The following FBP2 variants were observed in gnomAD, a reference collection of about 807,000 sequenced individuals.
FBP2 encodes the protein fructose-1,6-bisphosphatase isozyme 2.
A neutral mutation model predicts 31.6 loss-of-function variants in FBP2; 27 were observed. The ratio of observed to expected loss-of-function variants is 0.85; its 90% CI spans 0.63 to 1.18. FBP2 has a LOEUF of 1.18. Among genes scored for constraint, FBP2 ranks in the 50% most tolerant of loss-of-function variants. The pLI is 0.00. For synonymous variants in FBP2, 168 were observed against 179.8 expected (o/e 0.93, Z 0.53); for missense variants, 421 against 436.1 (o/e 0.97, Z 0.31).
rs1587848257 is a variant in FBP2 at position 94,593,461 on chromosome 9, C to A, written c.170+96G>T. The A allele has an allele frequency of 1.2e-5, 15 of 1,230,488 alleles. No homozygotes were observed. The East Asian group carries it at 3.5e-4, about 29-fold the overall frequency. The allele number at this position is 1,230,488 out of a possible 1,614,324, so 76.2% of individuals were successfully genotyped here. On this transcript the variant is annotated intron_variant, in intron 1 of 6. Transcript: ENST00000375337. ...ATCTAGGGCACACAGGGCCAATAAGCTTTGGACCCAGTTTCTTGCCAAAGC... is the reference window on the plus strand; with the variant it reads ...ATCTAGGGCACACAGGGCCAATAAGATTTGGACCCAGTTTCTTGCCAAAGC...
At chr9:94,580,776 T>A (rs1827366187) in intron 3 of FBP2, among the ~76,000 whole-genome samples, 1 of 152,186 alleles carries the variant, frequency 6.6e-6, no homozygotes, top group African/African-American at 2.4e-5. Flanking sequence ...CTCTAGTCCC[T>A]AAAAAAGGCC....
rs548869246 is a variant in FBP2, at chr9:94,560,567, C to T, written c.826-1435G>A. Among the ~76,000 whole-genome samples, 9 of 152,180 alleles carry T rather than the reference C, an allele frequency of 5.9e-5. No homozygotes were observed. In the South Asian group the frequency reaches 8.3e-4, roughly 14 times the overall value. On this transcript the variant is annotated intron_variant, in intron 6 of 6. Coordinates refer to ENST00000375337, the MANE Select transcript of FBP2 (RefSeq NM_003837.4). The stretch of plus-strand genomic sequence containing the variant: ...AAGTTCATTCTCCATTATCACCTTA[C>T]GAAATGGTTGACCCAGCTATGTGCA...
intron 6 of FBP2, among the ~76,000 whole-genome samples, chr9:94,561,420 TG>T (rs1193281122): frequency 1.5e-5 from 2 of 131,478 alleles, no homozygotes; most frequent in Non-Finnish European, 3.1e-5. Context: ...TGGAGTGCAG[TG>T]GCGCGATCTC....
Position 94,564,618 on chromosome 9 carries a change from C to A in FBP2, c.706-1157G>T, listed in dbSNP as rs546803133. On this transcript the variant is annotated intron_variant, in intron 5 of 6. Coordinates refer to ENST00000375337, the MANE Select transcript of FBP2 (RefSeq NM_003837.4). ...AAGTAGGAGCTAAATGATGAGAACA[C>A]ATGGACACAAAGAGGGAAACAACAG... Among the ~76,000 whole-genome samples, 86 of 152,122 alleles carry A rather than the reference C, an allele frequency of 5.7e-4. 2 individuals are homozygous for A. In the South Asian group the frequency reaches 0.017, roughly 31 times the overall value.
chr9:94,567,661 T>G lies in FBP2; in HGVS notation c.568-254A>C, dbSNP rs995015535. ...AATTCTAAGGAAGCAGCCCATAGTC[T>G]TCTTTCTTTTCCTGTGCATCTTCCA... On this transcript the variant is annotated intron_variant, in intron 4 of 6. Transcript: ENST00000375337. The G allele has an allele frequency of 1.3e-4, 55 of 426,818 alleles. No individual in the cohort carries two copies. In the South Asian group the frequency reaches 2.2e-3, roughly 17 times the overall value. The allele number at this position is 426,818 out of a possible 1,614,324, so 26.4% of individuals were successfully genotyped here. A position where few individuals can be genotyped will look rare whatever the true frequency, so the allele number is the denominator to read the frequency against.
intron 2 of FBP2, chr9:94,586,507 A>C (rs1827429667): frequency 6.6e-6 from 1 of 152,262 alleles, no homozygotes; most frequent in South Asian, 2.1e-4. Flanking sequence ...AACAAGAGTC[A>C]TATCAACTGA....
intron 3 of FBP2, among the ~76,000 whole-genome samples, chr9:94,575,254 CT>C (rs1315705253): frequency 6.6e-6 from 1 of 152,116 alleles, no homozygotes; most frequent in African/African-American, 2.4e-5. Flanking sequence ...GACTTTAAGC[CT>C]AGTGAAGCCA....
chr9:94,576,154 G>T (rs909959328), intron 3 of FBP2, among the ~76,000 whole-genome samples: 3 of 152,170 alleles, frequency 2.0e-5, no homozygotes, highest in Admixed American at 1.3e-4. Flanking sequence ...GATGATGTCA[G>T]CCTGAGGTCC....
At chr9:94,574,753 C>A (rs954419183) in intron 3 of FBP2, among the ~76,000 whole-genome samples, 1 of 152,040 alleles carries the variant, frequency 6.6e-6, no homozygotes, top group Non-Finnish European at 1.5e-5. Context: ...GTTTTATTCC[C>A]CACCTCTCTA....
intron 6 of FBP2, among the ~76,000 whole-genome samples, chr9:94,560,911 G>A (rs1237555494): frequency 6.6e-6 from 1 of 151,946 alleles, no homozygotes; most frequent in African/African-American, 2.4e-5. Context: ...GTCAGTGTAA[G>A]GTGCCCTCAC....
chr9:94,576,238 G>A (rs1014905291), intron 3 of FBP2, among the ~76,000 whole-genome samples: 5 of 152,192 alleles, frequency 3.3e-5, no homozygotes, highest in Non-Finnish European at 7.3e-5. Flanking sequence ...TCTCTTGCAT[G>A]CCCTCCTTAA....
At chr9:94,571,753 G>A (rs1329825138) in intron 3 of FBP2, 151 bp from the exon 4 acceptor site, 2 of 693,324 alleles carry the variant, frequency 2.9e-6, no homozygotes, top group East Asian at 3.0e-5. Flanking sequence ...GAGGAAACGA[G>A]TGGCCATGTT....
At chr9:94,568,041 T>C (rs1827218063) in intron 4 of FBP2, 1 of 149,708 alleles carries the variant, frequency 6.7e-6, no homozygotes, top group African/African-American at 2.5e-5. Context: ...GGCAGGAGAA[T>C]GGTGTGAACC....
At chr9:94,559,842 G>A (rs1184436778) in intron 6 of FBP2, among the ~76,000 whole-genome samples, 8 of 152,034 alleles carry the variant, frequency 5.3e-5, no homozygotes, top group Non-Finnish European at 8.8e-5. Context: ...CAGTAGTGCC[G>A]ACACAGAGAA....
At chr9:94,567,460 C>T in intron 4 of FBP2, 53 bp from the exon 5 acceptor site, 1 of 1,586,060 alleles carries the variant, frequency 6.3e-7, no homozygotes, top group Non-Finnish European at 8.6e-7. Flanking sequence ...GGAAACAAGC[C>T]AACCGCACAA....
intron 3 of FBP2, among the ~76,000 whole-genome samples, chr9:94,573,268 GT>G (rs1564183940): frequency 6.6e-6 from 1 of 152,158 alleles, no homozygotes; most frequent in African/African-American, 2.4e-5. Context: ...AAGACTTTCT[GT>G]TTTTTCAGAG....
At chr9:94,560,072 C>T (rs1470954930) in intron 6 of FBP2, among the ~76,000 whole-genome samples, 1 of 152,222 alleles carries the variant, frequency 6.6e-6, no homozygotes, top group Non-Finnish European at 1.5e-5. Context: ...CTGCGGTGAG[C>T]TGTGATCATG....
intron 6 of FBP2, among the ~76,000 whole-genome samples, chr9:94,561,076 C>T (rs954845989): frequency 2.0e-5 from 3 of 152,100 alleles, no homozygotes; most frequent in Non-Finnish European, 4.4e-5. Flanking sequence ...GCCAAGGAGA[C>T]TCTCACCTTG....
intron 4 of FBP2, 104 bp from the exon 5 acceptor site, chr9:94,567,511 G>A: frequency 7.2e-7 from 1 of 1,397,586 alleles, no homozygotes; most frequent in Non-Finnish European, 9.8e-7. Context: ...CCTGCTGGCA[G>A]AGCTGGGGCT....
Sources: gnomAD v4.1 joint callset for allele counts (sites outside exome capture counted in the v4.1 genomes callset) on GRCh38, gnomAD v4.1.1 for gene constraint, MANE v1.5 for transcripts, NCBI Gene and HGNC (gene_info 2026-07-23, HGNC 2026-07-21) for gene names.